Variants in GLIS3 observed in about 807,000 individuals in gnomAD.
The protein encoded by GLIS3 is GLIS family zinc finger 3.
In GLIS3, 53 loss-of-function variants were observed where a neutral mutation model predicts 78.6. That is an observed-to-expected ratio of 0.67 (90% CI 0.54 to 0.85). GLIS3 has a LOEUF of 0.85. Ranked by LOEUF, GLIS3 falls within the 40% of genes least tolerant of loss-of-function variation. The pLI, the probability that GLIS3 is intolerant of heterozygous loss-of-function variation, is 0.00. For synonymous variants in GLIS3, 684 were observed against 509.9 expected, an observed-to-expected ratio of 1.34 and a Z score of -4.60; for missense variants, 1,703 against 1,231.1, an observed-to-expected ratio of 1.38 and a Z score of -5.74.
At chr9:4,411,468 T>C in the GLIS3 span, among the ~76,000 whole-genome samples, 1 of 152,174 alleles carries the variant, frequency 6.6e-6, no homozygotes, top group Non-Finnish European at 1.5e-5. Flanking sequence ...AAAATCAATA[T>C]GCAAATGTAG....
In GLIS3 at chr9:4,104,797, T is replaced by C. The variant is rs1424938717; in HGVS notation, c.1710+12971A>G. 2.0e-5 allele frequency among the ~76,000 whole-genome samples: 3 copies of C among 152,188 alleles called. No individual in the cohort carries two copies. The South Asian group carries it at 6.2e-4, about 32-fold the overall frequency. On this transcript the variant is annotated intron_variant, in intron 4 of 10. Coordinates refer to ENST00000381971, the MANE Select transcript of GLIS3 (RefSeq NM_001042413.2). ...CTCCCCCAGGTATCTGCATTATTTA[T>C]TATCTTCCCCCTCCAGAGTGTAAGC...
chr9:4,282,315 C>T (rs1260983549), intron 2 of GLIS3, among the ~76,000 whole-genome samples: 1 of 152,194 alleles, frequency 6.6e-6, no homozygotes, highest in East Asian at 1.9e-4. Context: ...TCCAACACTA[C>T]TCTGGGCATT....
At chr9:4,431,497 A>C in the GLIS3 span, among the ~76,000 whole-genome samples, 2 of 152,162 alleles carry the variant, frequency 1.3e-5, no homozygotes, top group Admixed American at 6.5e-5. Flanking sequence ...GGATCTTTTC[A>C]TCCTGTGGTT....
chr9:3,847,451 T>C (rs1472784785), intron 9 of GLIS3, among the ~76,000 whole-genome samples: 2 of 152,264 alleles, frequency 1.3e-5, no homozygotes, highest in African/African-American at 4.8e-5. Context: ...TGGGACAATG[T>C]AGTCCCTGTC....
intron 1 of GLIS3, among the ~76,000 whole-genome samples, chr9:4,289,379 A>C (rs1828260871): frequency 6.6e-6 from 1 of 152,214 alleles, no homozygotes; most frequent in African/African-American, 2.4e-5. Context: ...GCAAAAAATA[A>C]TAGCATTCTC....
intron 2 of GLIS3, among the ~76,000 whole-genome samples, chr9:4,168,642 C>A (rs1034756163): frequency 1.1e-4 from 16 of 152,304 alleles, no homozygotes; most frequent in African/African-American, 3.4e-4. Flanking sequence ...AATAAGCCAA[C>A]ATTTTTACTT....
At chr9:4,175,321 G>A (rs567194454) in intron 2 of GLIS3, among the ~76,000 whole-genome samples, 2 of 152,330 alleles carry the variant, frequency 1.3e-5, no homozygotes, top group African/African-American at 4.8e-5. Flanking sequence ...AAAGAAGGGA[G>A]ACTGAGAGCT....
At chr9:3,991,833 G>A (rs890950193) in intron 4 of GLIS3, among the ~76,000 whole-genome samples, 2 of 151,950 alleles carry the variant, frequency 1.3e-5, no homozygotes, top group African/African-American at 2.4e-5. Context: ...TGGGACTACA[G>A]GCGCCTGCAA....
At chr9:4,260,880 G>A (rs925206711) in intron 2 of GLIS3, among the ~76,000 whole-genome samples, 8 of 152,184 alleles carry the variant, frequency 5.3e-5, no homozygotes, top group African/African-American at 1.7e-4. Context: ...AGGCTGTACT[G>A]TCTAATACGG....
the GLIS3 span, among the ~76,000 whole-genome samples, chr9:4,363,632 T>C: frequency 6.6e-6 from 1 of 152,236 alleles, no homozygotes; most frequent in Non-Finnish European, 1.5e-5. Context: ...CTAGCATCTG[T>C]GTAGCTGGCA....
intron 4 of GLIS3, among the ~76,000 whole-genome samples, chr9:4,085,432 C>A (rs1171805677): frequency 6.6e-6 from 1 of 152,144 alleles, no homozygotes; most frequent in African/African-American, 2.4e-5. Flanking sequence ...ATCTCTCAGA[C>A]CTCACTTTTC....
At chr9:4,417,373 T>C in the GLIS3 span, among the ~76,000 whole-genome samples, 80,043 of 152,090 alleles carry the variant, frequency 0.53, 23,486 homozygotes, top group South Asian at 0.69. Context: ...TCTGTTTGTA[T>C]ATATGTACAT....
intron 2 of GLIS3, among the ~76,000 whole-genome samples, chr9:4,324,721 A>G (rs1266176353): frequency 1.3e-5 from 2 of 152,244 alleles, no homozygotes; most frequent in African/African-American, 2.4e-5. Flanking sequence ...CCAATGACTC[A>G]GCAAGCACCA....
At chr9:3,844,534 A>C (rs1258835121) in intron 9 of GLIS3, among the ~76,000 whole-genome samples, 1 of 152,224 alleles carries the variant, frequency 6.6e-6, no homozygotes, top group Non-Finnish European at 1.5e-5. Context: ...AAAAGTGCTA[A>C]GTCTATAATA....
At chr9:4,182,601 C>A (rs1010978606) in intron 2 of GLIS3, among the ~76,000 whole-genome samples, 1 of 152,152 alleles carries the variant, frequency 6.6e-6, no homozygotes, top group South Asian at 2.1e-4. Flanking sequence ...AGAATGTTCA[C>A]AGGGAAAGAG....
chr9:3,967,801 T>C (rs915527543), intron 4 of GLIS3, among the ~76,000 whole-genome samples: 1 of 152,200 alleles, frequency 6.6e-6, no homozygotes, highest in African/African-American at 2.4e-5. Context: ...TATGTGTATA[T>C]ATTTGTATGC....
At chr9:3,997,317 G>T (rs181756769) in intron 4 of GLIS3, among the ~76,000 whole-genome samples, 1 of 152,188 alleles carries the variant, frequency 6.6e-6, no homozygotes, top group East Asian at 1.9e-4. Context: ...TTGCACCCCA[G>T]CCTGGGCAAG....
At position 3,883,855 on chromosome 9, in the gene GLIS3, T is replaced by C. The variant is rs373052225; in HGVS notation, c.2129-4260A>G. Among the ~76,000 whole-genome samples the C allele has an allele frequency of 4.1e-4, 63 of 152,302 alleles. 1 individual carries two copies. Among genetic ancestry groups the C allele is most frequent in the African/African-American group, 1.5e-3 (63 of 41,550 alleles). Reference sequence around the variant, plus strand: ...TGCTTTTGTGATTAAGAGATGGTAGTCTCCCTGAGGAAATAAAATCCTGTT... The same window carrying C: ...TGCTTTTGTGATTAAGAGATGGTAGCCTCCCTGAGGAAATAAAATCCTGTT... On this transcript the variant is annotated intron_variant, in intron 7 of 10. Transcript: ENST00000381971.
At position 3,825,386 on chromosome 9, in the gene GLIS3, G is replaced by C. The variant is rs1325094543; in HGVS notation, c.*2886C>G. ...CTGACATTTTGATGCAGTTTCGTTAGGGAATTAAGACAATGCAGCCAATGA... is the reference window on the plus strand; with the variant it reads ...CTGACATTTTGATGCAGTTTCGTTACGGAATTAAGACAATGCAGCCAATGA... On this transcript the variant is annotated 3_prime_UTR_variant, in exon 11 of 11. Coordinates refer to ENST00000381971, the MANE Select transcript of GLIS3 (RefSeq NM_001042413.2). 1 of 152,048 alleles carries C rather than the reference G, an allele frequency of 6.6e-6. No individual in the cohort carries two copies. The highest frequency in any genetic ancestry group is 1.9e-4 in the East Asian group (1 of 5,194). 9.4% of individuals were successfully genotyped at this position (152,048 alleles called of 1,614,324 possible). A position where few individuals can be genotyped will look rare whatever the true frequency, so the allele number is the denominator to read the frequency against.
Sources: allele counts gnomAD v4.1 joint callset (sites outside exome capture counted in the v4.1 genomes callset), GRCh38; gene constraint gnomAD v4.1.1; transcripts MANE v1.5; gene names NCBI Gene and HGNC (gene_info 2026-07-23, HGNC 2026-07-21).